PALM2AKAP2: variants seen among roughly 807,000 people sequenced by gnomAD.
PALM2AKAP2 encodes the protein PALM2-AKAP2 fusion protein.
A neutral mutation model predicts 71.5 loss-of-function variants in PALM2AKAP2; 37 were observed. The ratio of observed to expected loss-of-function variants is 0.52; its 90% CI spans 0.40 to 0.68. The LOEUF (loss-of-function observed/expected upper bound fraction) is 0.68, where lower values mean the gene tolerates loss of function less well. Among genes scored for constraint, PALM2AKAP2 ranks in the 30% least tolerant of loss-of-function variants. PALM2AKAP2 has a pLI of 0.00. For synonymous variants in PALM2AKAP2, 468 were observed against 478.8 expected (o/e 0.98, Z 0.29); for missense variants, 1,224 against 1,191.8 (o/e 1.03, Z -0.40).
intron 1 of PALM2AKAP2, among the ~76,000 whole-genome samples, chr9:109,770,215 C>T (rs1054295044): frequency 6.6e-6 from 1 of 150,678 alleles, no homozygotes; most frequent in African/African-American, 2.5e-5. Flanking sequence ...AGATAAACCA[C>T]TTTCTCTTGT....
At chr9:110,087,578 G>A (rs908507619) in intron 1 of PALM2AKAP2, among the ~76,000 whole-genome samples, 13 of 152,190 alleles carry the variant, frequency 8.5e-5, no homozygotes, top group Non-Finnish European at 1.9e-4. Context: ...ACTGGATGCT[G>A]TGAATGAGTT....
intron 7 of PALM2AKAP2, among the ~76,000 whole-genome samples, chr9:110,022,903 T>A (rs1050633348): frequency 5.9e-5 from 9 of 152,340 alleles, no homozygotes; most frequent in Non-Finnish European, 1.3e-4. Flanking sequence ...ACAAAGGACA[T>A]GAACTCTTCA....
intron 1 of PALM2AKAP2, among the ~76,000 whole-genome samples, chr9:109,665,987 G>T (rs112595669): frequency 0.012 from 1,761 of 152,372 alleles, 19 homozygotes; most frequent in Middle Eastern, 0.068. Flanking sequence ...GGTGTGGGAG[G>T]TGCACAGCCA....
Position 109,697,176 on chromosome 9 carries a change from C to T in PALM2AKAP2, c.5+56310C>T, listed in dbSNP as rs946174170. On this transcript the variant is annotated intron_variant, in intron 1 of 6. Transcript: ENST00000374531. The stretch of plus-strand genomic sequence containing the variant: ...CAGTATTCCATATAATGGAGTACCA[C>T]CTAGACATTAAGAAGAGAGAAGCAA... Among the ~76,000 whole-genome samples the T allele has an allele frequency of 4.6e-5, 7 of 151,762 alleles. No individual in the cohort carries two copies. The East Asian group carries it at 5.8e-4, about 13-fold the overall frequency.
Position 109,929,698 on chromosome 9 carries a change from A to G in PALM2AKAP2, c.395-2229A>G, listed in dbSNP as rs541175852. ...GCTAACACAGTGAAACCCCATCTCTACTAAAAATACAAAAAATTAGCCGGG... is the reference window on the plus strand; with the variant it reads ...GCTAACACAGTGAAACCCCATCTCTGCTAAAAATACAAAAAATTAGCCGGG... On this transcript the variant is annotated intron_variant, in intron 5 of 9. Coordinates refer to the PALM2AKAP2 transcript ENST00000302798. Among the ~76,000 whole-genome samples the G allele has an allele frequency of 1.9e-3, 296 of 151,870 alleles. 2 individuals are homozygous for G. The highest frequency in any genetic ancestry group is 3.3e-3 in the Non-Finnish European group (222 of 67,942).
intron 1 of PALM2AKAP2, among the ~76,000 whole-genome samples, chr9:109,823,296 C>T (rs1203396226): frequency 6.6e-6 from 1 of 152,170 alleles, no homozygotes; most frequent in African/African-American, 2.4e-5. Flanking sequence ...CCTGAACCCA[C>T]ATGGGAGGAT....
chr9:109,939,231 T>C (rs1028442719), intron 6 of PALM2AKAP2, among the ~76,000 whole-genome samples: 2 of 152,178 alleles, frequency 1.3e-5, no homozygotes, highest in Non-Finnish European at 2.9e-5. Context: ...CTCATTTGTG[T>C]ATTATGTGGA....
intron 1 of PALM2AKAP2, among the ~76,000 whole-genome samples, chr9:110,064,082 G>T (rs1379082574): frequency 6.6e-6 from 1 of 152,126 alleles, no homozygotes; most frequent in Admixed American, 6.6e-5. Context: ...GGTGGAGGGG[G>T]TAAGGAGCTT....
intron 1 of PALM2AKAP2, among the ~76,000 whole-genome samples, chr9:110,077,663 A>G (rs1045090914): frequency 6.6e-6 from 1 of 152,188 alleles, no homozygotes; most frequent in Non-Finnish European, 1.5e-5. Flanking sequence ...TCCTACAGAT[A>G]CATCTTGATT....
At chr9:110,148,694 A>T (rs1836237959) in intron 2 of PALM2AKAP2, 1 of 152,350 alleles carries the variant, frequency 6.6e-6, no homozygotes, top group South Asian at 2.1e-4. Flanking sequence ...TGGCTTAGGC[A>T]TGTCCTCTGG....
At chr9:110,148,512 C>T (rs1348107161) in intron 2 of PALM2AKAP2, 1 of 152,218 alleles carries the variant, frequency 6.6e-6, no homozygotes, top group African/African-American at 2.4e-5. Context: ...TGGAACCGCA[C>T]AAGTCCGTGC....
At chr9:110,070,456 C>T (rs1178257895) in intron 1 of PALM2AKAP2, among the ~76,000 whole-genome samples, 2 of 151,348 alleles carry the variant, frequency 1.3e-5, no homozygotes, top group African/African-American at 2.4e-5. Flanking sequence ...ATTTTAAAAT[C>T]TCTGTTTATT....
chr9:109,891,478 C>G (rs1189274742), intron 3 of PALM2AKAP2, among the ~76,000 whole-genome samples: 1 of 151,768 alleles, frequency 6.6e-6, no homozygotes, highest in Non-Finnish European at 1.5e-5. Flanking sequence ...ACATGTCACT[C>G]ATCATTTTGT....
chr9:109,945,787 G>A (rs1831489457), intron 6 of PALM2AKAP2: 1 of 152,176 alleles, frequency 6.6e-6, no homozygotes. Flanking sequence ...ATTCCCTGAA[G>A]GGACCTATCC....
At chr9:110,136,582 C>T (rs754148726) in exon 2 of PALM2AKAP2, 20 of 1,613,470 alleles carry the variant, frequency 1.2e-5, no homozygotes, top group African/African-American at 5.3e-5. Flanking sequence ...CTCCTCACAT[C>T]GAGCTCAGTA....
chr9:109,974,508 A>C (rs1010261663), intron 6 of PALM2AKAP2, among the ~76,000 whole-genome samples: 1 of 152,086 alleles, frequency 6.6e-6, no homozygotes, highest in Non-Finnish European at 1.5e-5. Context: ...GAGAAAGAGA[A>C]ACCCAGATTT....
intron 1 of PALM2AKAP2, among the ~76,000 whole-genome samples, chr9:109,697,400 T>C (rs1445724258): frequency 6.6e-6 from 1 of 152,202 alleles, no homozygotes; most frequent in Non-Finnish European, 1.5e-5. Flanking sequence ...AATTGGGGTC[T>C]ATGAAATTAG....
chr9:110,006,565 G>A (rs1832790265), intron 6 of PALM2AKAP2, among the ~76,000 whole-genome samples: 1 of 151,894 alleles, frequency 6.6e-6, no homozygotes, highest in Non-Finnish European at 1.5e-5. Context: ...GTCTCGCCAT[G>A]TTGCCCAGGC....
intron 1 of PALM2AKAP2, among the ~76,000 whole-genome samples, chr9:109,752,038 T>C (rs1828893607): frequency 6.6e-6 from 1 of 152,164 alleles, no homozygotes; most frequent in Admixed American, 6.6e-5. Flanking sequence ...GGTCCTTTCA[T>C]GTATTCATTT....
Sources: gnomAD v4.1 joint callset for allele counts (sites outside exome capture counted in the v4.1 genomes callset) on GRCh38, gnomAD v4.1.1 for gene constraint, MANE v1.5 for transcripts, NCBI Gene and HGNC (gene_info 2026-07-23, HGNC 2026-07-21) for gene names.